Variants in ADARB2 observed in about 807,000 individuals in gnomAD.
ADARB2 encodes the protein adenosine deaminase RNA specific B2 (inactive).
A neutral mutation model predicts 62.2 loss-of-function variants in ADARB2; 25 were observed. That is an observed-to-expected ratio of 0.40 (90% confidence interval 0.29 to 0.56). The LOEUF (loss-of-function observed/expected upper bound fraction) is 0.56. ADARB2 is among the 20% of genes least tolerant of loss of function. The probability of loss-of-function intolerance (pLI) is 0.43; values close to 1 mark genes in which losing one functional copy is unlikely to be tolerated. For missense variants in ADARB2, 1,071 were observed against 1,077.4 expected (o/e 0.99, Z 0.08); for synonymous variants, 572 against 500.8 (o/e 1.14, Z -1.90).
At chr10:1,352,306 C>T (rs1045450393) in intron 3 of ADARB2, among the ~76,000 whole-genome samples, 6 of 152,114 alleles carry the variant, frequency 3.9e-5, no homozygotes, top group African/African-American at 1.4e-4. Flanking sequence ...CTGGTTTTGC[C>T]ATCCTAACAA....
intron 4 of ADARB2, among the ~76,000 whole-genome samples, chr10:1,254,193 T>G (rs113254209): frequency 6.9e-6 from 1 of 144,988 alleles, no homozygotes; most frequent in African/African-American, 2.8e-5. Context: ...GTGGTTAGGA[T>G]GTGGTGGGCT....
intron 1 of ADARB2, among the ~76,000 whole-genome samples, chr10:1,470,078 C>T (rs1350823986): frequency 1.3e-5 from 2 of 152,176 alleles, no homozygotes. Flanking sequence ...CTTCCAAGGT[C>T]ATCCAGCCTG....
At chr10:1,565,792 A>T (rs1832852336) in intron 1 of ADARB2, among the ~76,000 whole-genome samples, 1 of 152,160 alleles carries the variant, frequency 6.6e-6, no homozygotes. Flanking sequence ...TATCCGAAGA[A>T]GATTCCTGGA....
chr10:1,716,000 G>A (rs1835012209), intron 1 of ADARB2, among the ~76,000 whole-genome samples: 1 of 152,082 alleles, frequency 6.6e-6, no homozygotes, highest in Non-Finnish European at 1.5e-5. Flanking sequence ...GCTGCTGTAT[G>A]CACACTCCCC....
intron 2 of ADARB2, among the ~76,000 whole-genome samples, chr10:1,373,474 AGT>A (rs1447067899): frequency 6.6e-6 from 1 of 152,026 alleles, no homozygotes; most frequent in Non-Finnish European, 1.5e-5. Flanking sequence ...TGCGTGTACG[AGT>A]GTGTGCCCGA....
chr10:1,354,385 A>G (rs1010741446), intron 3 of ADARB2, among the ~76,000 whole-genome samples: 9 of 113,512 alleles, frequency 7.9e-5, no homozygotes, highest in Non-Finnish European at 1.5e-4. Flanking sequence ...TGTGACCCCC[A>G]CCCCTGCCCA....
At chr10:1,723,162 G>A (rs1254934412) in intron 1 of ADARB2, among the ~76,000 whole-genome samples, 1 of 152,216 alleles carries the variant, frequency 6.6e-6, no homozygotes, top group African/African-American at 2.4e-5. Flanking sequence ...CTATGATGTA[G>A]CTTTTACGGC....
chr10:1,479,155 A>G (rs1350735399), intron 1 of ADARB2, among the ~76,000 whole-genome samples: 7 of 152,210 alleles, frequency 4.6e-5, no homozygotes, highest in African/African-American at 1.7e-4. Context: ...GATCCCAGTT[A>G]GTAGCTGCAG....
intron 1 of ADARB2, among the ~76,000 whole-genome samples, chr10:1,609,749 C>T (rs1833543988): frequency 6.6e-6 from 1 of 152,248 alleles, no homozygotes; most frequent in Admixed American, 6.5e-5. Context: ...CTGGGCTCTA[C>T]TGGGCCCGGG....
At chr10:1,205,912 G>A (rs1168023193) in intron 7 of ADARB2, among the ~76,000 whole-genome samples, 2 of 108,246 alleles carry the variant, frequency 1.8e-5, no homozygotes, top group African/African-American at 6.7e-5. Context: ...CTGGGGTCAG[G>A]TGGAGGTCAC....
chr10:1,688,948 T>G (rs1321227265), intron 1 of ADARB2, among the ~76,000 whole-genome samples: 1 of 152,192 alleles, frequency 6.6e-6, no homozygotes, highest in Non-Finnish European at 1.5e-5. Flanking sequence ...TTATATATAT[T>G]GGAAAATAAG....
At chr10:1,531,663 C>G (rs1431819603) in intron 1 of ADARB2, among the ~76,000 whole-genome samples, 1 of 152,044 alleles carries the variant, frequency 6.6e-6, no homozygotes, top group Non-Finnish European at 1.5e-5. Context: ...ATGATGAAAC[C>G]CTGACTCTAC....
At chr10:1,219,127 C>T (rs1464152546) in intron 6 of ADARB2, among the ~76,000 whole-genome samples, 2 of 151,962 alleles carry the variant, frequency 1.3e-5, no homozygotes, top group Admixed American at 1.3e-4. Context: ...CACTTTCTGC[C>T]ATGATTGTGA....
At chr10:1,667,351 G>A (rs1186003243) in intron 1 of ADARB2, among the ~76,000 whole-genome samples, 1 of 152,202 alleles carries the variant, frequency 6.6e-6, no homozygotes, top group African/African-American at 2.4e-5. Context: ...TTTAAGGACT[G>A]TAGAGACACT....
chr10:1,733,764 A>G (rs1313064633), intron 1 of ADARB2, among the ~76,000 whole-genome samples: 2 of 152,184 alleles, frequency 1.3e-5, no homozygotes, highest in Admixed American at 6.5e-5. Flanking sequence ...ATTTTGTTGT[A>G]CATAATTACC....
intron 1 of ADARB2, among the ~76,000 whole-genome samples, chr10:1,442,193 A>T (rs889793621): frequency 8.5e-5 from 13 of 152,286 alleles, no homozygotes; most frequent in Admixed American, 6.5e-4. Flanking sequence ...CTGTCCCAAT[A>T]AATAGTTTCC....
chr10:1,266,070 C>A (rs1210324266), intron 4 of ADARB2, among the ~76,000 whole-genome samples: 1 of 142,166 alleles, frequency 7.0e-6, no homozygotes, highest in Admixed American at 7.0e-5. Context: ...CACGCTCCCC[C>A]GGAAGACGGC....
intron 7 of ADARB2, among the ~76,000 whole-genome samples, chr10:1,213,082 G>A (rs776657359): frequency 3.7e-4 from 56 of 152,178 alleles, no homozygotes; most frequent in Non-Finnish European, 5.9e-4. Context: ...GAGGGTGAGT[G>A]GAGCAGAGAT....
chr10:1,625,336 A>C (rs1023237911), intron 1 of ADARB2, among the ~76,000 whole-genome samples: 1 of 152,196 alleles, frequency 6.6e-6, no homozygotes, highest in Non-Finnish European at 1.5e-5. Context: ...GGAGACAGAC[A>C]GTCGACGTGG....
Sources: gnomAD v4.1 joint callset for allele counts (sites outside exome capture counted in the v4.1 genomes callset) on GRCh38, gnomAD v4.1.1 for gene constraint, MANE v1.5 for transcripts, NCBI Gene and HGNC (gene_info 2026-07-23, HGNC 2026-07-21) for gene names.